CHAT: variants seen among roughly 807,000 people sequenced by gnomAD.
The protein encoded by CHAT is choline O-acetyltransferase.
A neutral mutation model predicts 76.9 loss-of-function variants in CHAT; 61 were observed. The observed-to-expected ratio is 0.79, with a 90% CI of 0.65 to 0.98. CHAT has a LOEUF of 0.98. CHAT is among the 50% of genes least tolerant of loss of function. CHAT has a pLI of 0.00. For missense variants in CHAT, 946 were observed against 986.9 expected, an observed-to-expected ratio of 0.96 and a Z score of 0.56; for synonymous variants, 407 against 397.4, an observed-to-expected ratio of 1.02 and a Z score of -0.29.
intron 7 of CHAT, among the ~76,000 whole-genome samples, chr10:49,641,613 G>A (rs373960075): frequency 2.0e-5 from 3 of 152,112 alleles, no homozygotes; most frequent in Non-Finnish European, 2.9e-5. Flanking sequence ...TGAGATGTGC[G>A]ATGGCAGATT....
chr10:49,655,548 C>T, intron 13 of CHAT, 100 bp downstream of exon 13: 6 of 1,115,614 alleles, frequency 5.4e-6, no homozygotes, highest in Non-Finnish European at 8.2e-6. Flanking sequence ...AGGGCCCAGC[C>T]ACCTGTTACT....
In CHAT at chr10:49,662,531, A is replaced by T. The variant is rs1840224298; in HGVS notation, c.1840-114A>T. On this transcript the variant is annotated intron_variant, in intron 13 of 14. Coordinates refer to ENST00000337653, the MANE Select transcript of CHAT (RefSeq NM_020549.5). ...CATTGTTGGCAGCAGGCACTGGGTA[A>T]GCATGAGCCGTGGCTGCTGGAGTCA... 2.9e-6 allele frequency: 4 copies of T among 1,357,016 alleles called. No individual in the cohort carries two copies. In the South Asian group the frequency reaches 3.5e-5, roughly 12 times the overall value. 84.1% of individuals were successfully genotyped at this position (1,357,016 alleles called of 1,614,324 possible).
intron 4 of CHAT, 128 bp from the exon 5 acceptor site, chr10:49,621,969 A>C: frequency 3.2e-6 from 3 of 926,550 alleles, no homozygotes; most frequent in South Asian, 1.3e-5. Context: ...GGGAGGAGGG[A>C]GGGAGAAGGG....
intron 7 of CHAT, among the ~76,000 whole-genome samples, chr10:49,641,023 T>C (rs916520487): frequency 1.3e-5 from 2 of 152,208 alleles, no homozygotes; most frequent in Non-Finnish European, 2.9e-5. Flanking sequence ...CATTTATTTC[T>C]CACAGTTTTG....
chr10:49,647,783 C>G (rs867202518), intron 8 of CHAT: 1 of 88,310 alleles, frequency 1.1e-5, no homozygotes, highest in African/African-American at 3.1e-5. Context: ...TTCCTTCCTT[C>G]CTTCCTTCCT....
chr10:49,610,720 G>T, upstream of CHAT: 1 of 1,477,578 alleles, frequency 6.8e-7, no homozygotes, highest in Non-Finnish European at 8.9e-7. Flanking sequence ...GGCGTCCTCG[G>T]AAGAGCATCG....
At chr10:49,611,377 G>A (rs770701336), upstream of CHAT, 21 of 1,599,602 alleles carry the variant, frequency 1.3e-5, no homozygotes, top group Non-Finnish European at 1.7e-5. Flanking sequence ...GCGCAGTCGT[G>A]CACTGGGCGT....
intron 6 of CHAT, 60 bp downstream of exon 6, chr10:49,625,713 C>A: frequency 6.8e-7 from 1 of 1,481,310 alleles, no homozygotes; most frequent in Non-Finnish European, 9.2e-7. Flanking sequence ...CATGCGTTCA[C>A]GTCCATTACC....
chr10:49,625,779 T>C (rs1485627276), intron 6 of CHAT, 126 bp downstream of exon 6: 4 of 1,060,760 alleles, frequency 3.8e-6, no homozygotes, highest in Non-Finnish European at 5.6e-6. Context: ...TGGGGCACCA[T>C]GTCTCCAAAG....
chr10:49,620,033 A>G, intron 3 of CHAT, 117 bp downstream of exon 3: 1 of 1,024,968 alleles, frequency 9.8e-7, no homozygotes, highest in Non-Finnish European at 1.4e-6. Flanking sequence ...GAGATGAGGG[A>G]CAGGGATGGG....
At chr10:49,652,433 A>C (rs1248813816) in intron 11 of CHAT, among the ~76,000 whole-genome samples, 2 of 152,132 alleles carry the variant, frequency 1.3e-5, no homozygotes, top group Non-Finnish European at 2.9e-5. Flanking sequence ...GATCAAGACA[A>C]AGATTTTGGA....
At chr10:49,615,805 C>T (rs1838468667) in intron 1 of CHAT, 1 of 553,092 alleles carries the variant, frequency 1.8e-6, no homozygotes, top group African/African-American at 1.9e-5. Flanking sequence ...CCCTGGCTGC[C>T]CAGCCTCCCT....
Position 49,619,929 on chromosome 10 carries a change from G to A in CHAT, c.579+13G>A. 1 of 1,607,666 alleles carries A rather than the reference G, an allele frequency of 6.2e-7. No homozygotes were observed. Among genetic ancestry groups the A allele is most frequent in the Non-Finnish European group, 8.5e-7 (1 of 1,177,574 alleles). On this transcript the variant is annotated intron_variant, in intron 3 of 14. Coordinates refer to ENST00000337653, the MANE Select transcript of CHAT (RefSeq NM_020549.5). ...GACAGCCAACTGGGTAAGAGGGGCA[G>A]ACAAGGAACCCATAGAAGAGGGGCG...
chr10:49,610,431 T>C (rs1838258670), upstream of CHAT: 2 of 329,214 alleles, frequency 6.1e-6, no homozygotes, highest in Admixed American at 4.9e-5. Context: ...GGGGCTGCTC[T>C]GGGCGCGCCC....
intron 13 of CHAT, among the ~76,000 whole-genome samples, chr10:49,656,294 T>C (rs991440847): frequency 2.1e-5 from 1 of 47,974 alleles, no homozygotes; most frequent in Non-Finnish European, 5.0e-5. Flanking sequence ...TTTTTTTTTT[T>C]TTTTTTTTTT....
At chr10:49,610,897 A>C, upstream of CHAT, 4 of 1,612,976 alleles carry the variant, frequency 2.5e-6, no homozygotes, top group Non-Finnish European at 3.4e-6. Flanking sequence ...GTACATGGTC[A>C]TCGTGCCCAT....
chr10:49,618,116 T>G (rs1355015816), intron 2 of CHAT, among the ~76,000 whole-genome samples: 1 of 152,180 alleles, frequency 6.6e-6, no homozygotes, highest in African/African-American at 2.4e-5. Context: ...CCAGGAACCA[T>G]ATTGCAGAAT....
At chr10:49,641,247 C>T (rs979331021) in intron 7 of CHAT, among the ~76,000 whole-genome samples, 5 of 152,194 alleles carry the variant, frequency 3.3e-5, no homozygotes, top group African/African-American at 7.2e-5. Context: ...GAAGCTTCAA[C>T]GTATGACTTT....
chr10:49,648,448 G>T, intron 8 of CHAT, 59 bp from the exon 9 acceptor site: 1 of 1,381,708 alleles, frequency 7.2e-7, no homozygotes. Flanking sequence ...CTGGGGCCAA[G>T]GGGCTGCCTT....
Sources: gnomAD v4.1 joint callset for allele counts (sites outside exome capture counted in the v4.1 genomes callset) on GRCh38, gnomAD v4.1.1 for gene constraint, MANE v1.5 for transcripts, NCBI Gene and HGNC (gene_info 2026-07-23, HGNC 2026-07-21) for gene names.